The following TAS2R1 variants were observed in gnomAD, a reference collection of about 807,000 sequenced individuals.
The protein encoded by TAS2R1 is taste receptor type 2 member 1.
For synonymous variants in TAS2R1, 141 were observed against 134.2 expected, an observed-to-expected ratio of 1.05 and a Z score of -0.35; for missense variants, 370 against 353.4, an observed-to-expected ratio of 1.05 and a Z score of -0.38.
At chr5:9,658,185 T>C (rs1257375600) in intron 2 of TAS2R1, among the ~76,000 whole-genome samples, 1 of 152,164 alleles carries the variant, frequency 6.6e-6, no homozygotes, top group Non-Finnish European at 1.5e-5. Context: ...ATTTGCCAGG[T>C]AGTATTCAGA....
the TAS2R1 span, among the ~76,000 whole-genome samples, chr5:9,719,703 C>A: frequency 6.6e-6 from 1 of 151,800 alleles, no homozygotes; most frequent in Non-Finnish European, 1.5e-5. Flanking sequence ...CCGAGGCGGG[C>A]GGATCACGAG....
At chr5:9,640,771 T>C (rs1740067186) in intron 2 of TAS2R1, among the ~76,000 whole-genome samples, 1 of 152,200 alleles carries the variant, frequency 6.6e-6, no homozygotes, top group African/African-American at 2.4e-5. Context: ...TTAATTCACT[T>C]GGTGTTTAAC....
At chr5:9,770,539 A>G in the TAS2R1 span, among the ~76,000 whole-genome samples, 1 of 152,046 alleles carries the variant, frequency 6.6e-6, no homozygotes, top group South Asian at 2.1e-4. Flanking sequence ...ATTCTTCCAA[A>G]CTGTAAAAAT....
the TAS2R1 span, among the ~76,000 whole-genome samples, chr5:9,743,567 C>T: frequency 1.9e-4 from 29 of 152,256 alleles, 1 homozygote; most frequent in East Asian, 1.9e-4. Context: ...TGTCACTTCG[C>T]GCCTCTTTGC....
chr5:9,804,712 A>G, the TAS2R1 span, among the ~76,000 whole-genome samples: 428 of 152,274 alleles, frequency 2.8e-3, 5 homozygotes, highest in African/African-American at 9.9e-3. Flanking sequence ...CAGTGATAAA[A>G]CTTGTCCAAA....
chr5:9,833,114 A>G, the TAS2R1 span, among the ~76,000 whole-genome samples: 1 of 152,228 alleles, frequency 6.6e-6, no homozygotes, highest in Non-Finnish European at 1.5e-5. Flanking sequence ...AGTCTGGCTC[A>G]GTGAATCTGC....
At chr5:9,834,997 G>A in the TAS2R1 span, among the ~76,000 whole-genome samples, 5 of 152,076 alleles carry the variant, frequency 3.3e-5, no homozygotes, top group East Asian at 1.9e-4. Context: ...CTTTCATGAC[G>A]CCTGAGCTGC....
the TAS2R1 span, among the ~76,000 whole-genome samples, chr5:9,900,110 A>G: frequency 6.6e-6 from 1 of 152,226 alleles, no homozygotes; most frequent in African/African-American, 2.4e-5. Flanking sequence ...GAGAGGCAGA[A>G]TTGTATACTG....
the TAS2R1 span, among the ~76,000 whole-genome samples, chr5:9,756,010 T>C: frequency 6.6e-6 from 1 of 152,220 alleles, no homozygotes; most frequent in Non-Finnish European, 1.5e-5. Context: ...CCTAACCATC[T>C]GGGAATGCAG....
At chr5:9,717,835 G>A in the TAS2R1 span, among the ~76,000 whole-genome samples, 1 of 152,096 alleles carries the variant, frequency 6.6e-6, no homozygotes, top group Non-Finnish European at 1.5e-5. Context: ...TACAACCTAT[G>A]TATATAGTAA....
At chr5:9,831,649 T>G in the TAS2R1 span, among the ~76,000 whole-genome samples, 1 of 151,894 alleles carries the variant, frequency 6.6e-6, no homozygotes, top group African/African-American at 2.4e-5. Context: ...AACATATTAG[T>G]TTTAAAGAAA....
At chr5:9,879,688 A>T in the TAS2R1 span, among the ~76,000 whole-genome samples, 2 of 152,222 alleles carry the variant, frequency 1.3e-5, no homozygotes, top group African/African-American at 4.8e-5. Context: ...ACCCATAAAG[A>T]TGCCTGACCC....
chr5:9,668,600 C>CTTG (rs1448068292), intron 1 of TAS2R1, among the ~76,000 whole-genome samples: 1 of 152,092 alleles, frequency 6.6e-6, no homozygotes, highest in African/African-American at 2.4e-5. Flanking sequence ...GATTAGAGGC[C>CTTG]TACATTCAGC....
At chr5:9,797,677 T>C in the TAS2R1 span, among the ~76,000 whole-genome samples, 1 of 152,198 alleles carries the variant, frequency 6.6e-6, no homozygotes, top group South Asian at 2.1e-4. Flanking sequence ...TAGTGCCTAA[T>C]AAAGGTTGTT....
At chr5:9,726,214 C>T in the TAS2R1 span, among the ~76,000 whole-genome samples, 25 of 152,150 alleles carry the variant, frequency 1.6e-4, no homozygotes, top group African/African-American at 2.4e-5. Context: ...ATGCACCAAT[C>T]GACACTCTGT....
chr5:9,771,682 T>G, the TAS2R1 span, among the ~76,000 whole-genome samples: 3 of 152,100 alleles, frequency 2.0e-5, no homozygotes, highest in African/African-American at 7.2e-5. Flanking sequence ...ATGGCTCCTA[T>G]CTTGTTATTT....
At chr5:9,864,233 G>T in the TAS2R1 span, among the ~76,000 whole-genome samples, 2 of 152,150 alleles carry the variant, frequency 1.3e-5, no homozygotes, top group East Asian at 3.9e-4. Flanking sequence ...GTCTACCTAT[G>T]CGTAAGAGGT....
the TAS2R1 span, among the ~76,000 whole-genome samples, chr5:9,781,065 C>T: frequency 3.3e-5 from 5 of 152,170 alleles, no homozygotes; most frequent in Admixed American, 1.3e-4. Flanking sequence ...GATATATATC[C>T]TATAGCCTAG....
the TAS2R1 span, among the ~76,000 whole-genome samples, chr5:9,886,280 C>G: frequency 6.6e-6 from 1 of 151,592 alleles, no homozygotes; most frequent in Non-Finnish European, 1.5e-5. Context: ...AATTCACCGG[C>G]CTCAGCCTCC....
Sources: allele counts gnomAD v4.1 joint callset (sites outside exome capture counted in the v4.1 genomes callset), GRCh38; gene constraint gnomAD v4.1.1; transcripts MANE v1.5; gene names NCBI Gene and HGNC (gene_info 2026-07-23, HGNC 2026-07-21).